CRACD: variants seen among roughly 807,000 people sequenced by gnomAD.
CRACD encodes the protein capping protein-inhibiting regulator of actin dynamics.
In CRACD, 56 loss-of-function variants were observed where a neutral mutation model predicts 106.8. That is an observed-to-expected ratio of 0.52 (90% CI 0.42 to 0.66). The LOEUF (loss-of-function observed/expected upper bound fraction) is 0.66, where lower values mean the gene tolerates loss of function less well. CRACD is among the 30% of genes least tolerant of loss of function. CRACD has a pLI of 0.00. For missense variants in CRACD, 1,730 were observed against 1,623.2 expected (o/e 1.07, Z -1.13); for synonymous variants, 754 against 670.8 (o/e 1.12, Z -1.92).
At position 56,232,157 on chromosome 4, in the gene CRACD, C is replaced by T. The variant is rs142047095; in HGVS notation, c.-188-40164C>T. Among the ~76,000 whole-genome samples, 289 of 152,296 alleles carry T rather than the reference C, an allele frequency of 1.9e-3. 2 individuals carry two copies. The highest frequency in any genetic ancestry group is 6.7e-3 in the African/African-American group (278 of 41,562). ...TATTCATTGCCAGGCAACCACTAAT[C>T]TGCTTCCTGTCACTATAGATTAGTT... On this transcript the variant is annotated intron_variant, in intron 2 of 10. Transcript: ENST00000682029.
At chr4:56,200,427 A>G (rs987432860) in intron 2 of CRACD, among the ~76,000 whole-genome samples, 5 of 152,172 alleles carry the variant, frequency 3.3e-5, no homozygotes, top group Non-Finnish European at 7.4e-5. Flanking sequence ...AATAAGCATA[A>G]TGGGAGCATT....
chr4:56,131,072 A>G (rs1480563039), intron 1 of CRACD, among the ~76,000 whole-genome samples: 1 of 152,240 alleles, frequency 6.6e-6, no homozygotes, highest in Non-Finnish European at 1.5e-5. Context: ...ATAAAGCAGA[A>G]CATATGTTAA....
At chr4:56,242,736 G>C (rs755485128) in intron 2 of CRACD, among the ~76,000 whole-genome samples, 18 of 152,116 alleles carry the variant, frequency 1.2e-4, no homozygotes, top group Non-Finnish European at 2.5e-4. Flanking sequence ...CAGATTAATA[G>C]GGAACTAAGC....
intron 1 of CRACD, among the ~76,000 whole-genome samples, chr4:56,107,274 G>A (rs374265977): frequency 2.9e-4 from 44 of 152,118 alleles, no homozygotes; most frequent in African/African-American, 9.9e-4. Context: ...AGCCACCGGC[G>A]CCCAGCCTGG....
chr4:56,232,873 C>T (rs1168734066), intron 2 of CRACD, among the ~76,000 whole-genome samples: 1 of 151,688 alleles, frequency 6.6e-6, no homozygotes, highest in East Asian at 1.9e-4. Context: ...TACAGGTGCC[C>T]GCCACCAGGC....
chr4:56,160,431 G>A (rs28391498), intron 1 of CRACD, among the ~76,000 whole-genome samples: 61,571 of 151,618 alleles, frequency 0.41, 13,035 homozygotes, highest in African/African-American at 0.52. Context: ...CAGTCTGCCC[G>A]CCTCAGCCTC....
rs370254619 is a variant in CRACD, at chr4:56,310,798, CTTT to C, written c.354+74_354+76del. On this transcript the variant is annotated intron_variant, in intron 6 of 10. Coordinates refer to ENST00000682029, the MANE Select transcript of CRACD (RefSeq NM_001393381.1). ...TACTTAACTTTCATCTTCCCCCCCCCTTTTTTTTTTTTGCGACCTGCTGCCTCA... is the reference window on the plus strand; with the variant it reads ...TACTTAACTTTCATCTTCCCCCCCCCTTTTTTTTTGCGACCTGCTGCCTCA... 1.3e-3 allele frequency: 1,083 copies of C among 802,762 alleles called. 1 individual carries two copies. The highest frequency in any genetic ancestry group is 1.6e-3 in the Admixed American group (62 of 38,424). 49.7% of individuals were successfully genotyped at this position (802,762 alleles called of 1,614,324 possible). A position where few individuals can be genotyped will look rare whatever the true frequency, so the allele number is the denominator to read the frequency against.
chr4:56,068,194 C>T (rs1034620036), intron 1 of CRACD, among the ~76,000 whole-genome samples: 8 of 152,094 alleles, frequency 5.3e-5, no homozygotes, highest in African/African-American at 1.9e-4. Context: ...AGCTGACATT[C>T]GAACAAAGAG....
chr4:56,110,832 A>G (rs1734095909), intron 1 of CRACD, among the ~76,000 whole-genome samples: 1 of 152,128 alleles, frequency 6.6e-6, no homozygotes, highest in African/African-American at 2.4e-5. Flanking sequence ...TCTGACCTCA[A>G]GTGATCCACC....
intron 1 of CRACD, among the ~76,000 whole-genome samples, chr4:56,126,837 A>G (rs1734675141): frequency 6.6e-6 from 1 of 152,160 alleles, no homozygotes; most frequent in African/African-American, 2.4e-5. Flanking sequence ...GATCCATGAG[A>G]GTTGGGGTGA....
intron 1 of CRACD, among the ~76,000 whole-genome samples, chr4:56,169,690 G>A (rs1475997764): frequency 1.3e-5 from 2 of 152,052 alleles, no homozygotes; most frequent in East Asian, 3.9e-4. Flanking sequence ...TAGAGACGGG[G>A]TTTTGCCATG....
At chr4:56,273,040 T>G (rs561853015) in intron 3 of CRACD, among the ~76,000 whole-genome samples, 1 of 152,090 alleles carries the variant, frequency 6.6e-6, no homozygotes, top group Non-Finnish European at 1.5e-5. Context: ...GAATTGGGCA[T>G]TCATTTCGCT....
chr4:56,246,943 A>G (rs1740716650), intron 2 of CRACD, among the ~76,000 whole-genome samples: 1 of 152,242 alleles, frequency 6.6e-6, no homozygotes, highest in South Asian at 2.1e-4. Context: ...GCTAAGAATC[A>G]GTACTTGGGT....
chr4:56,233,693 G>A (rs750702559), intron 2 of CRACD, among the ~76,000 whole-genome samples: 2 of 152,118 alleles, frequency 1.3e-5, no homozygotes, highest in Admixed American at 6.5e-5. Flanking sequence ...TAGATACTTC[G>A]CAGTTTCATA....
rs1732569369 is a variant in CRACD at position 56,069,607 on chromosome 4, T to G, written c.-336+20308T>G. Among the ~76,000 whole-genome samples the G allele has an allele frequency of 2.0e-5, 3 of 152,190 alleles. No individual in the cohort carries two copies. In the South Asian group the frequency reaches 6.2e-4, roughly 31 times the overall value. Reference sequence around the variant, plus strand: ...TATGGGTTTAGAGAGCTCCTACTTTTAAGGCACTCAGTTACTTTTGTTCTA... The same window carrying G: ...TATGGGTTTAGAGAGCTCCTACTTTGAAGGCACTCAGTTACTTTTGTTCTA... On this transcript the variant is annotated intron_variant, in intron 1 of 10. Transcript: ENST00000682029.
intron 4 of CRACD, among the ~76,000 whole-genome samples, chr4:56,300,792 TA>T (rs890074103): frequency 3.9e-5 from 6 of 152,314 alleles, no homozygotes; most frequent in South Asian, 4.1e-4. Context: ...TTTAGTGTTG[TA>T]AAAAAGTATA....
chr4:56,199,703 A>G (rs1405898834), intron 2 of CRACD, among the ~76,000 whole-genome samples: 2 of 151,694 alleles, frequency 1.3e-5, no homozygotes, highest in East Asian at 1.9e-4. Flanking sequence ...AGAAAAGAAA[A>G]AAAAAGAAAA....
In CRACD at chr4:56,110,789, G is replaced by T. The variant is rs377035402; in HGVS notation, c.-336+61490G>T. Among the ~76,000 whole-genome samples the T allele has an allele frequency of 2.4e-4, 36 of 152,232 alleles. No homozygotes were observed. In the East Asian group the frequency reaches 5.4e-3, roughly 23 times the overall value. On this transcript the variant is annotated intron_variant, in intron 1 of 10. Transcript: ENST00000682029. ...TTTTTGTGTTTTTAGTAGAGACGGG[G>T]TTTCACCATGTAGGCCAGGCTGGTC...
At chr4:56,117,808 A>G (rs564231712) in intron 1 of CRACD, among the ~76,000 whole-genome samples, 116 of 152,270 alleles carry the variant, frequency 7.6e-4, no homozygotes, top group Non-Finnish European at 1.2e-3. Context: ...CCCAGGCTGG[A>G]GTGCAGTGGT....
Sources: gnomAD v4.1 joint callset for allele counts (sites outside exome capture counted in the v4.1 genomes callset) on GRCh38, gnomAD v4.1.1 for gene constraint, MANE v1.5 for transcripts, NCBI Gene and HGNC (gene_info 2026-07-23, HGNC 2026-07-21) for gene names.